SGPP2: variants seen among roughly 807,000 people sequenced by gnomAD.
SGPP2 encodes sphingosine-1-phosphate phosphatase 2, also known as sphingosine 1-phosphate phosphohydrolase 2.
A neutral mutation model predicts 33.9 loss-of-function variants in SGPP2; 30 were observed. The observed-to-expected ratio is 0.89, with a 90% CI of 0.66 to 1.20. The LOEUF (loss-of-function observed/expected upper bound fraction) is 1.20. Among genes scored for constraint, SGPP2 ranks in the 50% most tolerant of loss-of-function variants. SGPP2 has a pLI of 0.00. For missense variants in SGPP2, 458 were observed against 532.1 expected, an observed-to-expected ratio of 0.86 and a Z score of 1.37; for synonymous variants, 233 against 225.0, an observed-to-expected ratio of 1.04 and a Z score of -0.32.
chr2:222,487,894 A>G (rs1489810809), intron 2 of SGPP2, among the ~76,000 whole-genome samples: 1 of 152,172 alleles, frequency 6.6e-6, no homozygotes, highest in Non-Finnish European at 1.5e-5. Context: ...GGCAACCTTC[A>G]TTTAACTCAA....
chr2:222,497,955 G>T (rs1698306989), intron 2 of SGPP2, among the ~76,000 whole-genome samples: 1 of 152,136 alleles, frequency 6.6e-6, no homozygotes, highest in Non-Finnish European at 1.5e-5. Context: ...AGGCCAAGAA[G>T]ATCTCAAAGC....
At chr2:222,482,566 T>TG (rs72402957) in intron 2 of SGPP2, among the ~76,000 whole-genome samples, 3 of 151,962 alleles carry the variant, frequency 2.0e-5, no homozygotes, top group Admixed American at 6.6e-5. Flanking sequence ...CTGGCTTAGT[T>TG]GGGGGTCTCA....
intron 2 of SGPP2, among the ~76,000 whole-genome samples, chr2:222,492,085 C>T (rs1298443221): frequency 6.6e-6 from 1 of 152,184 alleles, no homozygotes; most frequent in African/African-American, 2.4e-5. Flanking sequence ...CCTTCGTATG[C>T]TGGCATTGAG....
rs542554040 is a variant in SGPP2 at position 222,544,987 on chromosome 2, CTAAGTA to C, written c.649-13357_649-13352del. On this transcript the variant is annotated intron_variant, in intron 4 of 4. Transcript: ENST00000321276. ...GAGAGTATTCTTATTCTCCTCCTAT[CTAAGTA>C]TATTTCTCAGTAAGTAATAGCTAAT... Among the ~76,000 whole-genome samples, 742 of 150,934 alleles carry C rather than the reference CTAAGTA, an allele frequency of 4.9e-3. 3 individuals carry two copies. The highest frequency in any genetic ancestry group is 8.1e-3 in the Non-Finnish European group (552 of 67,998).
chr2:222,452,597 G>GT (rs1314368224), intron 1 of SGPP2: 1 of 1,315,636 alleles, frequency 7.6e-7, no homozygotes, highest in African/African-American at 1.4e-5. Flanking sequence ...AGAAGGGACT[G>GT]TTCCAGGCCT....
chr2:222,489,113 C>T (rs1411471873), intron 2 of SGPP2, among the ~76,000 whole-genome samples: 1 of 152,082 alleles, frequency 6.6e-6, no homozygotes, highest in Non-Finnish European at 1.5e-5. Context: ...TTTTATTAGG[C>T]CTTAATTGAG....
chr2:222,544,137 G>C (rs1365158958), intron 4 of SGPP2, among the ~76,000 whole-genome samples: 1 of 152,170 alleles, frequency 6.6e-6, no homozygotes, highest in Non-Finnish European at 1.5e-5. Flanking sequence ...AAACTAAGGA[G>C]GCACTATTAT....
intron 4 of SGPP2, among the ~76,000 whole-genome samples, chr2:222,555,510 C>A (rs1574894866): frequency 1.5e-5 from 2 of 132,396 alleles, no homozygotes; most frequent in East Asian, 4.4e-4. Flanking sequence ...TTTAAGGGAG[C>A]TGACAGGACA....
intron 2 of SGPP2, among the ~76,000 whole-genome samples, chr2:222,502,000 C>T (rs1698374746): frequency 6.6e-6 from 1 of 152,166 alleles, no homozygotes; most frequent in Admixed American, 6.5e-5. Flanking sequence ...ACTAGAATGA[C>T]CAGAGTTTTA....
intron 2 of SGPP2, among the ~76,000 whole-genome samples, chr2:222,486,997 C>T (rs758983314): frequency 6.6e-5 from 10 of 152,112 alleles, no homozygotes; most frequent in South Asian, 2.1e-4. Flanking sequence ...TTCCTTCCAT[C>T]GCTCTCTCTG....
intron 4 of SGPP2, among the ~76,000 whole-genome samples, chr2:222,532,657 G>C (rs565054529): frequency 4.6e-5 from 7 of 152,158 alleles, no homozygotes; most frequent in Non-Finnish European, 1.0e-4. Context: ...AGCTGAATCC[G>C]TTCTGGCTCT....
At chr2:222,473,025 CAAACAAA>C (rs1465324963) in intron 1 of SGPP2, among the ~76,000 whole-genome samples, 1 of 152,010 alleles carries the variant, frequency 6.6e-6, no homozygotes, top group East Asian at 1.9e-4. Flanking sequence ...AAAAAACAAA[CAAACAAA>C]AAATAAAAAA....
At chr2:222,520,536 G>C (rs999356594) in intron 2 of SGPP2, among the ~76,000 whole-genome samples, 20 of 152,114 alleles carry the variant, frequency 1.3e-4, no homozygotes, top group African/African-American at 4.8e-4. Context: ...TTCAAGACCA[G>C]CTTGACCAAC....
intron 1 of SGPP2, among the ~76,000 whole-genome samples, chr2:222,453,582 A>G (rs1697526106): frequency 6.7e-6 from 1 of 149,366 alleles, no homozygotes; most frequent in Admixed American, 6.7e-5. Context: ...GAAGACAAGG[A>G]AAAAAAAAAT....
At position 222,558,607 on chromosome 2, in the gene SGPP2, C is replaced by T. The variant is rs183770597; in HGVS notation, c.909C>T (p.Pro303=). The change falls in exon 5 of 5, where the codon CCC becomes CCT. Residue 303 remains proline, a synonymous_variant. Coordinates refer to ENST00000321276, the MANE Select transcript of SGPP2 (RefSeq NM_152386.4). ...ATTTCTTCCAGCTTGTATCCAAGCCCGCTGAATCTCTCCCTGTTATTCAGA... is the reference window on the plus strand; with the variant it reads ...ATTTCTTCCAGCTTGTATCCAAGCCTGCTGAATCTCTCCCTGTTATTCAGA... ...INHFFQLVSK[P]AESLPVIQNI... The T allele has an allele frequency of 2.4e-5, 38 of 1,614,182 alleles. No homozygotes were observed. Among genetic ancestry groups the T allele is most frequent in the Admixed American group, 5.0e-5 (3 of 60,028 alleles).
intron 4 of SGPP2, among the ~76,000 whole-genome samples, chr2:222,527,751 CA>C (rs2106138601): frequency 6.6e-6 from 1 of 152,298 alleles, no homozygotes; most frequent in African/African-American, 2.4e-5. Flanking sequence ...GCCCAGGTAC[CA>C]GTCAGGCTAC....
intron 1 of SGPP2, among the ~76,000 whole-genome samples, chr2:222,431,250 A>T (rs538053007): frequency 6.6e-6 from 1 of 152,186 alleles, no homozygotes; most frequent in Non-Finnish European, 1.5e-5. Flanking sequence ...AGGAGTTGTA[A>T]TCGCAGCATT....
At chr2:222,554,435 A>G (rs999625703) in intron 4 of SGPP2, among the ~76,000 whole-genome samples, 2 of 152,228 alleles carry the variant, frequency 1.3e-5, no homozygotes, top group Non-Finnish European at 2.9e-5. Flanking sequence ...AAACAATACT[A>G]CAACAGATAG....
At chr2:222,493,996 A>C (rs911435400) in intron 2 of SGPP2, among the ~76,000 whole-genome samples, 1 of 152,224 alleles carries the variant, frequency 6.6e-6, no homozygotes, top group Non-Finnish European at 1.5e-5. Context: ...AATCTTTATA[A>C]AAGAACAACC....
Sources: gnomAD v4.1 joint callset for allele counts (sites outside exome capture counted in the v4.1 genomes callset) on GRCh38, gnomAD v4.1.1 for gene constraint, MANE v1.5 for transcripts, NCBI Gene and HGNC (gene_info 2026-07-23, HGNC 2026-07-21) for gene names.